MACROD2: variants seen among roughly 807,000 people sequenced by gnomAD.
The protein encoded by MACROD2 is mono-ADP ribosylhydrolase 2.
Under a neutral mutation model 70.4 loss-of-function variants are expected in MACROD2, and 36 were observed. That is an observed-to-expected ratio of 0.51 (90% CI 0.39 to 0.68). The LOEUF (loss-of-function observed/expected upper bound fraction) is 0.68. MACROD2 is among the 30% of genes least tolerant of loss of function. MACROD2 has a pLI of 0.00. For missense variants in MACROD2, 496 were observed against 538.4 expected (o/e 0.92, Z 0.78); for synonymous variants, 172 against 178.8 (o/e 0.96, Z 0.30).
chr20:14,162,771 A>G (rs2055208964), intron 3 of MACROD2, among the ~76,000 whole-genome samples: 1 of 152,028 alleles, frequency 6.6e-6, no homozygotes, highest in Non-Finnish European at 1.5e-5. Context: ...TGAGTTACTT[A>G]TAGGCAGCAT....
intron 8 of MACROD2, among the ~76,000 whole-genome samples, chr20:15,626,405 C>T (rs1165174736): frequency 1.3e-5 from 2 of 152,298 alleles, no homozygotes; most frequent in African/African-American, 2.4e-5. Flanking sequence ...TTTTGTTTGA[C>T]GTGCAAACTC....
intron 5 of MACROD2, among the ~76,000 whole-genome samples, chr20:15,119,483 A>G (rs1460950812): frequency 1.3e-5 from 2 of 152,226 alleles, no homozygotes; most frequent in Non-Finnish European, 2.9e-5. Flanking sequence ...TGAGGATGAC[A>G]CAGCATCCCA....
intron 5 of MACROD2, among the ~76,000 whole-genome samples, chr20:14,912,205 G>A (rs1022173762): frequency 1.2e-4 from 18 of 152,208 alleles, no homozygotes; most frequent in African/African-American, 3.9e-4. Flanking sequence ...GCTTTCTGCC[G>A]TTATCTCTAG....
In MACROD2 at chr20:15,909,563, G is replaced by A. The variant is rs1370402194; in HGVS notation, c.776-23713G>A. Among the ~76,000 whole-genome samples the A allele has an allele frequency of 4.9e-3, 542 of 110,268 alleles. 4 individuals are homozygous for A. Among genetic ancestry groups the A allele is most frequent in the African/African-American group, 0.018 (511 of 28,340 alleles). 72.3% of individuals were successfully genotyped at this position (110,268 alleles called of 152,430 possible). ...TTTTGAGACGGAGTCTCTCTCTGTC[G>A]CCCAGGCTGGAGTGCAGTGGCGGGA... On this transcript the variant is annotated intron_variant, in intron 10 of 17. Transcript: ENST00000684519.
At chr20:15,970,363 T>C (rs2066211844) in intron 13 of MACROD2, among the ~76,000 whole-genome samples, 1 of 152,180 alleles carries the variant, frequency 6.6e-6, no homozygotes, top group Non-Finnish European at 1.5e-5. Flanking sequence ...AGTTAAGATA[T>C]GCATAACATT....
chr20:15,736,870 T>C (rs926378255), intron 8 of MACROD2, among the ~76,000 whole-genome samples: 4 of 152,184 alleles, frequency 2.6e-5, no homozygotes, highest in Admixed American at 2.0e-4. Context: ...CCCATTGATA[T>C]TGAGGGACAA....
intron 8 of MACROD2, chr20:15,552,518 G>A (rs1345714453): frequency 6.6e-6 from 1 of 152,202 alleles, no homozygotes; most frequent in African/African-American, 2.4e-5. Context: ...CAGTTGATAA[G>A]GATGCCTACT....
At chr20:15,654,916 T>C (rs895390855) in intron 8 of MACROD2, among the ~76,000 whole-genome samples, 1 of 152,162 alleles carries the variant, frequency 6.6e-6, no homozygotes, top group Admixed American at 6.5e-5. Context: ...AAAATGTCAC[T>C]GTAGATATCG....
intron 8 of MACROD2, among the ~76,000 whole-genome samples, chr20:15,714,161 G>C (rs1264494001): frequency 6.6e-6 from 1 of 152,094 alleles, no homozygotes; most frequent in East Asian, 1.9e-4. Context: ...ACAAAAACCA[G>C]TCAACCCAGG....
intron 3 of MACROD2, among the ~76,000 whole-genome samples, chr20:14,346,274 A>G (rs529826868): frequency 1.3e-5 from 2 of 152,296 alleles, no homozygotes; most frequent in African/African-American, 2.4e-5. Flanking sequence ...TAGCAAAAAC[A>G]TAAACACTAC....
At chr20:15,193,601 CA>C (rs1248154449) in intron 5 of MACROD2, among the ~76,000 whole-genome samples, 1 of 152,088 alleles carries the variant, frequency 6.6e-6, no homozygotes, top group Non-Finnish European at 1.5e-5. Flanking sequence ...TGAGCCCTAT[CA>C]CTGCACTCTA....
chr20:14,425,774 C>T (rs1253674161), intron 3 of MACROD2, among the ~76,000 whole-genome samples: 1 of 152,162 alleles, frequency 6.6e-6, no homozygotes, highest in African/African-American at 2.4e-5. Flanking sequence ...TTTCCTCTGT[C>T]CTATCTATTG....
intron 6 of MACROD2, among the ~76,000 whole-genome samples, chr20:15,409,281 A>C (rs2046045511): frequency 6.6e-6 from 1 of 152,144 alleles, no homozygotes; most frequent in Admixed American, 6.5e-5. Flanking sequence ...TGACTACTCT[A>C]CTTCTTTGCC....
chr20:16,049,880 T>C lies in MACROD2; in HGVS notation c.*4T>C, dbSNP rs183688926. On this transcript the variant is annotated 3_prime_UTR_variant, in exon 18 of 18. Coordinates refer to ENST00000684519, the MANE Select transcript of MACROD2 (RefSeq NM_001351661.2). ...ACAAAGAAATGGAACTAAATGACAA[T>C]CCTCAGCATCGCAAGGCCTCTCCTG... 6.6e-7 allele frequency: 1 copy of C among 1,521,460 alleles called. No homozygotes were observed. The highest frequency in any genetic ancestry group is 8.9e-7 in the Non-Finnish European group (1 of 1,127,622). 94.2% of individuals were successfully genotyped at this position (1,521,460 alleles called of 1,614,324 possible). A position where few individuals can be genotyped will look rare whatever the true frequency, so the allele number is the denominator to read the frequency against.
In MACROD2 at chr20:15,660,827, G is replaced by A. The variant is rs555896217; in HGVS notation, c.645+160980G>A. On this transcript the variant is annotated intron_variant, in intron 8 of 17. Transcript: ENST00000684519. ...AAGCCAAACATTCAGACCCTTCAACGTTATGTTTAATTGGATTTCATTCTT... is the reference window on the plus strand; with the variant it reads ...AAGCCAAACATTCAGACCCTTCAACATTATGTTTAATTGGATTTCATTCTT... Among the ~76,000 whole-genome samples the A allele has an allele frequency of 3.0e-3, 415 of 139,790 alleles. 2 individuals carry two copies. The highest frequency in any genetic ancestry group is 4.4e-3 in the Non-Finnish European group (283 of 64,500). 91.7% of individuals were successfully genotyped at this position (139,790 alleles called of 152,430 possible). A position where few individuals can be genotyped will look rare whatever the true frequency, so the allele number is the denominator to read the frequency against.
At chr20:14,983,815 G>T (rs1304072559) in intron 5 of MACROD2, among the ~76,000 whole-genome samples, 1 of 152,156 alleles carries the variant, frequency 6.6e-6, no homozygotes, top group Non-Finnish European at 1.5e-5. Context: ...ATAAATAAAG[G>T]TCCTCCAATA....
At chr20:15,436,694 T>C (rs1365133715) in intron 7 of MACROD2, among the ~76,000 whole-genome samples, 2 of 150,266 alleles carry the variant, frequency 1.3e-5, no homozygotes, top group East Asian at 1.9e-4. Flanking sequence ...CTCTTCCTCC[T>C]TCATTAACCA....
chr20:15,476,259 G>A (rs1017913009), intron 7 of MACROD2, among the ~76,000 whole-genome samples: 1 of 152,078 alleles, frequency 6.6e-6, no homozygotes, highest in Non-Finnish European at 1.5e-5. Flanking sequence ...CTTAAAATTT[G>A]TATTTTATAT....
intron 7 of MACROD2, among the ~76,000 whole-genome samples, chr20:15,460,212 A>G (rs182737807): frequency 2.6e-5 from 4 of 152,268 alleles, no homozygotes; most frequent in African/African-American, 9.6e-5. Flanking sequence ...AGACCCCAGA[A>G]ACTTTTCATA....
Sources: gnomAD v4.1 joint callset for allele counts (sites outside exome capture counted in the v4.1 genomes callset) on GRCh38, gnomAD v4.1.1 for gene constraint, MANE v1.5 for transcripts, NCBI Gene and HGNC (gene_info 2026-07-23, HGNC 2026-07-21) for gene names.